The following TOX variants were observed in gnomAD, a reference collection of about 807,000 sequenced individuals.
TOX encodes thymocyte selection-associated high mobility group box protein TOX.
Under a neutral mutation model 53.7 loss-of-function variants are expected in TOX, and 11 were observed. The observed-to-expected ratio is 0.20, with a 90% confidence interval of 0.13 to 0.34. The LOEUF is 0.34. Among genes scored for constraint, TOX ranks in the 10% least tolerant of loss-of-function variants. TOX has a pLI of 1.00. For missense variants in TOX, 570 were observed against 664.6 expected (o/e 0.86, Z 1.56); for synonymous variants, 225 against 245.3 (o/e 0.92, Z 0.77).
intron 1 of TOX, among the ~76,000 whole-genome samples, chr8:59,003,067 G>A (rs1563415128): frequency 6.6e-6 from 1 of 151,916 alleles, no homozygotes; most frequent in Non-Finnish European, 1.5e-5. Flanking sequence ...ACTGACCTTT[G>A]GTTTCATCTT....
chr8:58,825,368 G>C (rs1362341882), intron 6 of TOX, among the ~76,000 whole-genome samples: 3 of 152,146 alleles, frequency 2.0e-5, no homozygotes, highest in Non-Finnish European at 2.9e-5. Context: ...ATGTAGAAAT[G>C]GCAATTCGCA....
chr8:59,069,832 GAA>G (rs947152898), intron 1 of TOX, among the ~76,000 whole-genome samples: 7 of 152,216 alleles, frequency 4.6e-5, no homozygotes, highest in Admixed American at 2.0e-4. Flanking sequence ...CTTCAAAAAG[GAA>G]AGTGTTCAGT....
At chr8:58,819,423 T>A (rs1246044193) in intron 6 of TOX, among the ~76,000 whole-genome samples, 1 of 152,188 alleles carries the variant, frequency 6.6e-6, no homozygotes, top group African/African-American at 2.4e-5. Flanking sequence ...AGGAATGTGT[T>A]CTTGCTGTTA....
At chr8:58,919,242 C>T (rs1434101397) in intron 3 of TOX, among the ~76,000 whole-genome samples, 12 of 126,254 alleles carry the variant, frequency 9.5e-5, no homozygotes, top group African/African-American at 1.6e-4. Flanking sequence ...GAGCCCGCAT[C>T]GCCAAGTCAA....
chr8:59,060,028 A>G (rs1803952912), intron 1 of TOX, among the ~76,000 whole-genome samples: 1 of 151,892 alleles, frequency 6.6e-6, no homozygotes, highest in Admixed American at 6.6e-5. Context: ...CTTTTTTTTC[A>G]TAATCAGAGA....
intron 1 of TOX, among the ~76,000 whole-genome samples, chr8:59,062,793 T>C (rs1804009416): frequency 6.6e-6 from 1 of 152,164 alleles, no homozygotes; most frequent in East Asian, 1.9e-4. Context: ...GGTGTGTGTG[T>C]GTGTCTGTGT....
intron 3 of TOX, among the ~76,000 whole-genome samples, chr8:58,890,786 A>G (rs1190207484): frequency 6.6e-6 from 1 of 152,176 alleles, no homozygotes; most frequent in Non-Finnish European, 1.5e-5. Flanking sequence ...GAGGTTGAAA[A>G]TGAGAGTAGT....
chr8:59,085,451 C>T (rs542495634), intron 1 of TOX, among the ~76,000 whole-genome samples: 3 of 151,948 alleles, frequency 2.0e-5, no homozygotes, highest in South Asian at 4.1e-4. Context: ...TGCAGTGGCA[C>T]GAGCACAGCT....
chr8:59,067,024 G>T (rs1226894756), intron 1 of TOX, among the ~76,000 whole-genome samples: 1 of 152,164 alleles, frequency 6.6e-6, no homozygotes, highest in African/African-American at 2.4e-5. Context: ...TGGAGGAGGG[G>T]AAGGTTTTGT....
At chr8:59,105,616 A>G (rs960493938) in intron 1 of TOX, among the ~76,000 whole-genome samples, 3 of 152,170 alleles carry the variant, frequency 2.0e-5, no homozygotes, top group Non-Finnish European at 4.4e-5. Flanking sequence ...ATAATATATT[A>G]GAGCCTAGAA....
chr8:58,820,049 C>T (rs569712865), intron 6 of TOX, among the ~76,000 whole-genome samples: 6 of 152,122 alleles, frequency 3.9e-5, no homozygotes, highest in Non-Finnish European at 8.8e-5. Flanking sequence ...GCAAATTTTA[C>T]GTTAACAGTC....
At chr8:59,019,969 C>T (rs1036559051) in intron 1 of TOX, among the ~76,000 whole-genome samples, 2 of 152,112 alleles carry the variant, frequency 1.3e-5, no homozygotes, top group Non-Finnish European at 2.9e-5. Flanking sequence ...ATATGAAATA[C>T]TATATACTTA....
Position 58,807,694 on chromosome 8 carries a change from T to G in TOX, c.*53A>C. The G allele has an allele frequency of 1.2e-6, 2 of 1,601,596 alleles. No homozygotes were observed. The highest frequency in any genetic ancestry group is 8.6e-7 in the Non-Finnish European group (1 of 1,168,800). On this transcript the variant is annotated 3_prime_UTR_variant, in exon 9 of 9. Coordinates refer to ENST00000361421, the MANE Select transcript of TOX (RefSeq NM_014729.3). The stretch of plus-strand genomic sequence containing the variant: ...TGCCTTGACTGTACAAAGCAATCCA[T>G]GGTGAAAACACTTCCCTGAATTCCT...
intron 1 of TOX, among the ~76,000 whole-genome samples, chr8:58,998,494 T>C (rs1239870234): frequency 5.0e-5 from 3 of 59,656 alleles, no homozygotes; most frequent in South Asian, 5.4e-4. Flanking sequence ...ATCTCAAAAG[T>C]ATATATATAT....
intron 1 of TOX, among the ~76,000 whole-genome samples, chr8:59,109,621 C>A (rs147013349): frequency 3.9e-5 from 6 of 152,168 alleles, no homozygotes; most frequent in African/African-American, 1.2e-4. Context: ...CCTTTATTAA[C>A]CACTAGACAT....
At chr8:58,820,066 T>C (rs1465663720) in intron 6 of TOX, among the ~76,000 whole-genome samples, 1 of 152,202 alleles carries the variant, frequency 6.6e-6, no homozygotes, top group Non-Finnish European at 1.5e-5. Flanking sequence ...AGTCATACAA[T>C]GATCCATCCC....
intron 1 of TOX, among the ~76,000 whole-genome samples, chr8:58,998,522 T>TAAA (rs1186807170): frequency 3.3e-5 from 2 of 61,072 alleles, no homozygotes; most frequent in Non-Finnish European, 6.3e-5. Context: ...TATATATATA[T>TAAA]ATATATATAT....
At position 58,826,916 on chromosome 8, in the gene TOX, A is replaced by G. The variant is rs766419647; in HGVS notation, c.925-14T>C. 1.9e-6 allele frequency: 3 copies of G among 1,606,408 alleles called. No homozygotes were observed. The South Asian group carries it at 3.3e-5, about 18-fold the overall frequency. ...CTTTTTATAGACCTGCAACAACAGCAAAGAGTCTTAAATTAGAAAGTGCAT... is the reference window on the plus strand; with the variant it reads ...CTTTTTATAGACCTGCAACAACAGCGAAGAGTCTTAAATTAGAAAGTGCAT... On this transcript the variant is annotated splice_polypyrimidine_tract_variant and intron_variant, in intron 5 of 8. Coordinates refer to ENST00000361421, the MANE Select transcript of TOX (RefSeq NM_014729.3).
chr8:58,860,066 A>G (rs1053454174), intron 3 of TOX, among the ~76,000 whole-genome samples: 1 of 152,144 alleles, frequency 6.6e-6, no homozygotes, highest in African/African-American at 2.4e-5. Context: ...CTGGATTTAT[A>G]TCTATAAACA....
Sources: allele counts gnomAD v4.1 joint callset (sites outside exome capture counted in the v4.1 genomes callset), GRCh38; gene constraint gnomAD v4.1.1; transcripts MANE v1.5; gene names NCBI Gene and HGNC (gene_info 2026-07-23, HGNC 2026-07-21).